The following THSD7A variants were observed in gnomAD, a reference collection of about 807,000 sequenced individuals.
THSD7A encodes the protein thrombospondin type-1 domain-containing protein 7A.
Under a neutral mutation model 231.3 loss-of-function variants are expected in THSD7A, and 96 were observed. The ratio of observed to expected loss-of-function variants is 0.41; its 90% CI spans 0.35 to 0.49. The LOEUF (loss-of-function observed/expected upper bound fraction) is 0.49, where lower values mean the gene tolerates loss of function less well. THSD7A is among the 20% of genes least tolerant of loss of function. THSD7A has a pLI of 0.05. For synonymous variants in THSD7A, 940 were observed against 743.3 expected, an observed-to-expected ratio of 1.26 and a Z score of -4.30; for missense variants, 2,290 against 2,070.2, an observed-to-expected ratio of 1.11 and a Z score of -2.06.
At chr7:11,554,941 G>C (rs1789784223) in intron 4 of THSD7A, among the ~76,000 whole-genome samples, 1 of 151,866 alleles carries the variant, frequency 6.6e-6, no homozygotes, top group African/African-American at 2.4e-5. Context: ...TGTAAAGTGT[G>C]TAGTGACATT....
intron 2 of THSD7A, among the ~76,000 whole-genome samples, chr7:11,630,536 T>C (rs1781615549): frequency 1.3e-5 from 2 of 152,204 alleles, no homozygotes; most frequent in South Asian, 2.1e-4. Flanking sequence ...CTGAAGTATC[T>C]GCTTTATGGA....
At chr7:11,381,487 T>A (rs1397225223) in intron 24 of THSD7A, among the ~76,000 whole-genome samples, 8 of 152,162 alleles carry the variant, frequency 5.3e-5, no homozygotes, top group African/African-American at 1.9e-4. Context: ...ATATTGATCC[T>A]TGCTCCTGTT....
At chr7:11,540,543 T>C (rs563968398) in intron 6 of THSD7A, among the ~76,000 whole-genome samples, 1 of 152,334 alleles carries the variant, frequency 6.6e-6, no homozygotes, top group African/African-American at 2.4e-5. Context: ...ACCCTGGGGT[T>C]TAGCACTCAT....
At chr7:11,615,421 A>C (rs1268782675) in intron 2 of THSD7A, among the ~76,000 whole-genome samples, 3 of 152,050 alleles carry the variant, frequency 2.0e-5, no homozygotes. Context: ...AGTGGCATCC[A>C]CACTTGTTTC....
chr7:11,727,384 C>A (rs1047320633), intron 1 of THSD7A, among the ~76,000 whole-genome samples: 5 of 151,866 alleles, frequency 3.3e-5, no homozygotes, highest in African/African-American at 1.2e-4. Context: ...TTTTACCCTA[C>A]AAAGAGTTTG....
intron 1 of THSD7A, among the ~76,000 whole-genome samples, chr7:11,746,724 G>T (rs1782319081): frequency 6.6e-6 from 1 of 151,686 alleles, no homozygotes; most frequent in African/African-American, 2.4e-5. Context: ...GGTAATATTT[G>T]CCAGGATATT....
intron 16 of THSD7A, among the ~76,000 whole-genome samples, chr7:11,422,994 T>C (rs1784200840): frequency 6.6e-6 from 1 of 152,122 alleles, no homozygotes; most frequent in Non-Finnish European, 1.5e-5. Flanking sequence ...GATCAAATTC[T>C]TAAGGTAATA....
intron 1 of THSD7A, among the ~76,000 whole-genome samples, chr7:11,748,619 C>T (rs975679261): frequency 6.6e-6 from 1 of 151,874 alleles, no homozygotes; most frequent in African/African-American, 2.4e-5. Flanking sequence ...AAATGGTGTA[C>T]AAGATTATTA....
intron 4 of THSD7A, among the ~76,000 whole-genome samples, chr7:11,578,747 G>A (rs1791027561): frequency 6.6e-6 from 1 of 152,164 alleles, no homozygotes; most frequent in Non-Finnish European, 1.5e-5. Flanking sequence ...AATGGTTGAA[G>A]GCATTACAAG....
chr7:11,526,746 C>A (rs1407962751), intron 6 of THSD7A, among the ~76,000 whole-genome samples: 1 of 152,256 alleles, frequency 6.6e-6, no homozygotes, highest in African/African-American at 2.4e-5. Flanking sequence ...CCTTGCTTCC[C>A]CTTTGCCTTC....
chr7:11,532,308 A>G (rs78033847), intron 6 of THSD7A, among the ~76,000 whole-genome samples: 1 of 152,132 alleles, frequency 6.6e-6, no homozygotes, highest in Non-Finnish European at 1.5e-5. Flanking sequence ...AAACAAACAC[A>G]AAAAATTAAG....
intron 1 of THSD7A, among the ~76,000 whole-genome samples, chr7:11,751,997 G>A (rs560832709): frequency 6.6e-6 from 1 of 152,226 alleles, no homozygotes; most frequent in South Asian, 2.1e-4. Context: ...AATTTCAGAT[G>A]AGCAGGGTGG....
At chr7:11,820,773 G>T in intron 1 of THSD7A, 4 of 1,199,870 alleles carry the variant, frequency 3.3e-6, no homozygotes, top group South Asian at 1.2e-5. Context: ...TGAGATGACC[G>T]GGAGGAAGAG....
In THSD7A at chr7:11,541,401, T is replaced by A; in HGVS notation, c.1822+18A>T. 1 of 1,612,422 alleles carries A rather than the reference T, an allele frequency of 6.2e-7. No homozygotes were observed. The highest frequency in any genetic ancestry group is 1.1e-5 in the South Asian group (1 of 90,978). On this transcript the variant is annotated intron_variant, in intron 6 of 27. Transcript: ENST00000423059. ...GGGTTGGACATCCATAAAAACATAA[T>A]AGATACGTCTGTCTTACCATCACTG...
rs1583640480 is a variant in THSD7A, at chr7:11,382,563, G to A, written c.4465C>T (p.Arg1489Ter). 1 of 1,612,874 alleles carries A rather than the reference G, an allele frequency of 6.2e-7. No individual in the cohort carries two copies. The highest frequency in any genetic ancestry group is 8.5e-7 in the Non-Finnish European group (1 of 1,179,212). Residue 1489 changes from arginine to a stop codon, truncating the protein, a stop_gained, in exon 24 of 28, where the codon CGA (arginine) becomes TGA (stop). Coordinates refer to ENST00000423059, the MANE Select transcript of THSD7A (RefSeq NM_015204.3). LOFTEE classifies it high-confidence loss of function. ...TCTGACCTTTGACACCACACTGTTC[G>A]GGAAGAGCCCTTCCAAGCACTGGCC... is the stretch of plus-strand genomic sequence containing the variant. Reference protein sequence around the residue: ...WMASAWKGSSRTVWCQRSDGI... With the variant: ...WMASAWKGSS
intron 1 of THSD7A, among the ~76,000 whole-genome samples, chr7:11,646,624 A>G (rs929259441): frequency 5.3e-5 from 8 of 152,068 alleles, no homozygotes; most frequent in Admixed American, 5.3e-4. Context: ...CAATTGTCCA[A>G]AAGTGAGCTA....
chr7:11,605,509 G>A (rs1780704889), intron 2 of THSD7A, among the ~76,000 whole-genome samples: 1 of 152,010 alleles, frequency 6.6e-6, no homozygotes, highest in Non-Finnish European at 1.5e-5. Flanking sequence ...TCAGACCCCC[G>A]CTCCATGCTA....
chr7:11,754,120 C>T (rs78107658), intron 1 of THSD7A, among the ~76,000 whole-genome samples: 1 of 151,844 alleles, frequency 6.6e-6, no homozygotes, highest in Admixed American at 6.6e-5. Context: ...CAGGAAGCCC[C>T]TATTTCAGAT....
intron 4 of THSD7A, among the ~76,000 whole-genome samples, chr7:11,574,277 A>C (rs1259548304): frequency 1.3e-5 from 2 of 152,020 alleles, no homozygotes; most frequent in Non-Finnish European, 2.9e-5. Flanking sequence ...CCTTCCATTA[A>C]AGTGTAAACT....
Sources: allele counts gnomAD v4.1 joint callset (sites outside exome capture counted in the v4.1 genomes callset), GRCh38; gene constraint gnomAD v4.1.1; transcripts MANE v1.5; gene names NCBI Gene and HGNC (gene_info 2026-07-23, HGNC 2026-07-21).